The following RYR2 variants were observed in gnomAD, a reference collection of about 807,000 sequenced individuals.
RYR2 encodes cardiac muscle ryanodine receptor-calcium release channel.
In RYR2, 227 loss-of-function variants were observed where a neutral mutation model predicts 601.1. That is an observed-to-expected ratio of 0.38 (90% CI 0.34 to 0.42). The LOEUF (loss-of-function observed/expected upper bound fraction) is 0.42, where lower values mean the gene tolerates loss of function less well. Among genes scored for constraint, RYR2 ranks in the 10% least tolerant of loss-of-function variants. The pLI is 1.00. For synonymous variants in RYR2, 2,223 were observed against 2,175.1 expected (o/e 1.02, Z -0.61); for missense variants, 4,646 against 6,156.5 (o/e 0.75, Z 8.21).
chr1:237,402,323 G>A (rs910288553), intron 10 of RYR2, among the ~76,000 whole-genome samples: 1 of 151,086 alleles, frequency 6.6e-6, no homozygotes, highest in Admixed American at 6.6e-5. Flanking sequence ...GGAATTCAAA[G>A]CTGCAGTGAG....
chr1:237,643,329 G>T lies in RYR2; in HGVS notation c.7224G>T (p.Leu2408Phe). The change falls in exon 48 of 105, where the codon TTG becomes TTT. Residue 2408 changes from leucine to phenylalanine, a missense_variant and splice_region_variant. Physicochemically the swap from Leu to Phe is conservative, Grantham distance 22. Around this residue, in one of 17 missense-constraint regions of RYR2, gnomAD observed 1,497 missense variants for 1,842.6 expected, o/e 0.81. Coordinates refer to ENST00000366574, the MANE Select transcript of RYR2 (RefSeq NM_001035.3). ...ATGTTTTTTTTTCCCCTGTATAGTT[G>T]ATTCATGCCGGGAAGGGAGAAGCCA... ...LLGRCAPEMH[L>F]IHAGKGEAIR... 6.2e-7 allele frequency: 1 copy of T among 1,613,148 alleles called. No individual in the cohort carries two copies. The highest frequency in any genetic ancestry group is 1.1e-5 in the South Asian group (1 of 90,984).
chr1:237,723,336 A>G, intron 74 of RYR2, 74 bp downstream of exon 74: 1 of 1,193,162 alleles, frequency 8.4e-7, no homozygotes, highest in Middle Eastern at 1.9e-4. Flanking sequence ...ATGTGTGTTA[A>G]TTTGTTAACT....
intron 5 of RYR2, among the ~76,000 whole-genome samples, chr1:237,365,165 G>A (rs1395739841): frequency 6.6e-6 from 1 of 152,114 alleles, no homozygotes; most frequent in African/African-American, 2.4e-5. Flanking sequence ...CAATGGGTAG[G>A]TAGAAAAATT....
chr1:237,682,097 C>T (rs1258873055), intron 62 of RYR2, among the ~76,000 whole-genome samples: 1 of 152,182 alleles, frequency 6.6e-6, no homozygotes, highest in Non-Finnish European at 1.5e-5. Flanking sequence ...TCAGTTTCAG[C>T]CTTACCCTTA....
intron 62 of RYR2, among the ~76,000 whole-genome samples, chr1:237,684,094 ATT>A (rs1223468414): frequency 6.8e-6 from 1 of 146,948 alleles, no homozygotes; most frequent in African/African-American, 2.5e-5. Flanking sequence ...TGCCCGGCTA[ATT>A]TTTTTTTTTT....
chr1:237,495,307 C>G (rs1663949999), intron 19 of RYR2, among the ~76,000 whole-genome samples: 2 of 152,098 alleles, frequency 1.3e-5, no homozygotes, highest in Non-Finnish European at 2.9e-5. Flanking sequence ...AATTTTCTCT[C>G]TTGACTCGGA....
intron 74 of RYR2, 114 bp downstream of exon 74, chr1:237,723,376 A>G: frequency 1.4e-6 from 1 of 700,114 alleles, no homozygotes; most frequent in South Asian, 2.4e-5. Context: ...TGTTCAGCAT[A>G]TTCATTCTAA....
intron 80 of RYR2, among the ~76,000 whole-genome samples, chr1:237,746,089 G>A (rs1448773014): frequency 6.6e-6 from 1 of 152,114 alleles, no homozygotes; most frequent in Admixed American, 6.6e-5. Flanking sequence ...CTCTGAGGTT[G>A]ACTATGTGAC....
rs1245785191 is a variant in RYR2, at chr1:237,806,301, T to G, written c.14298+18T>G. The G allele has an allele frequency of 6.3e-7, 1 of 1,598,022 alleles. No homozygotes were observed. The highest frequency in any genetic ancestry group is 8.5e-7 in the Non-Finnish European group (1 of 1,171,578). On this transcript the variant is annotated intron_variant, in intron 99 of 104. Coordinates refer to ENST00000366574, the MANE Select transcript of RYR2 (RefSeq NM_001035.3). ...GCAAACAGGTAAACAGTTTATCTTTTTCCTCCCTTGCAGAAAATAAAAAAG... is the reference window on the plus strand; with the variant it reads ...GCAAACAGGTAAACAGTTTATCTTTGTCCTCCCTTGCAGAAAATAAAAAAG...
chr1:237,320,031 G>A (rs1479750269), intron 2 of RYR2, among the ~76,000 whole-genome samples: 1 of 152,204 alleles, frequency 6.6e-6, no homozygotes, highest in East Asian at 1.9e-4. Context: ...GAGCTGTGGG[G>A]AGATGGGAGT....
chr1:237,055,522 C>T (rs1481818993), intron 1 of RYR2, among the ~76,000 whole-genome samples: 1 of 151,904 alleles, frequency 6.6e-6, no homozygotes, highest in Non-Finnish European at 1.5e-5. Flanking sequence ...GGAGCGGGAG[C>T]TTTAGGACAC....
At chr1:237,728,563 G>A (rs958715377) in intron 76 of RYR2, among the ~76,000 whole-genome samples, 1 of 152,008 alleles carries the variant, frequency 6.6e-6, no homozygotes, top group African/African-American at 2.4e-5. Flanking sequence ...ACTGGATAAA[G>A]AAAAAGTGGC....
At chr1:237,700,158 A>T in intron 64 of RYR2, 71 bp from the exon 65 acceptor site, 1 of 989,808 alleles carries the variant, frequency 1.0e-6, no homozygotes, top group Admixed American at 2.4e-5. Flanking sequence ...ACATCATAAG[A>T]GAACCACAAT....
At chr1:237,107,980 C>T (rs186029156) in intron 1 of RYR2, among the ~76,000 whole-genome samples, 36 of 152,270 alleles carry the variant, frequency 2.4e-4, no homozygotes, top group Admixed American at 5.9e-4. Context: ...AAAAAGGTTC[C>T]GGTCCTGAGC....
At chr1:237,666,965 A>G (rs1484273056) in intron 57 of RYR2, among the ~76,000 whole-genome samples, 1 of 152,148 alleles carries the variant, frequency 6.6e-6, no homozygotes, top group Non-Finnish European at 1.5e-5. Context: ...GCCGTATAAC[A>G]TATTTTCCTT....
intron 60 of RYR2, among the ~76,000 whole-genome samples, chr1:237,675,610 G>A (rs536613943): frequency 5.9e-5 from 9 of 152,172 alleles, no homozygotes; most frequent in South Asian, 4.1e-4. Context: ...CGTTCTCGAC[G>A]TTTTCTCTTT....
chr1:237,084,745 G>T (rs569755304), intron 1 of RYR2, among the ~76,000 whole-genome samples: 1 of 152,310 alleles, frequency 6.6e-6, no homozygotes, highest in South Asian at 2.1e-4. Context: ...GAATGTGCTA[G>T]TCCCTTTTTA....
chr1:237,788,006 A>G lies in RYR2; in HGVS notation c.13347A>G (p.Lys4449=), dbSNP rs1657867517. ...TTCATAGGGGAGAAGATGGAGAAAAAGAAGAGAAAGCCAAGGAAGACAAGG... is the reference window on the plus strand; with the variant it reads ...TTCATAGGGGAGAAGATGGAGAAAAGGAAGAGAAAGCCAAGGAAGACAAGG... The part of the protein sequence containing the change: ...PEKAEGEDGE[K]EEKAKEDKGK... The change falls in exon 92 of 105, where the codon AAA becomes AAG. Residue 4449 remains lysine, a synonymous_variant. Transcript: ENST00000366574. 4 of 1,596,728 alleles carry G rather than the reference A, an allele frequency of 2.5e-6. No homozygotes were observed. The highest frequency in any genetic ancestry group is 3.4e-6 in the Non-Finnish European group (4 of 1,170,794).
At chr1:237,067,479 C>T (rs1457379973) in intron 1 of RYR2, among the ~76,000 whole-genome samples, 1 of 152,134 alleles carries the variant, frequency 6.6e-6, no homozygotes, top group African/African-American at 2.4e-5. Context: ...CTGTATTCCG[C>T]TTCATTCGTC....
Sources: gnomAD v4.1 joint callset for allele counts (sites outside exome capture counted in the v4.1 genomes callset) on GRCh38, gnomAD v4.1.1 for gene constraint, gnomAD v4.1.1 regional missense constraint, MANE v1.5 for transcripts, NCBI Gene and HGNC (gene_info 2026-07-23, HGNC 2026-07-21) for gene names.